Variants in CUL2 observed in about 807,000 individuals in gnomAD.
CUL2 encodes the protein cullin 2.
In CUL2, 22 loss-of-function variants were observed where a neutral mutation model predicts 110.2. The observed-to-expected ratio is 0.20, with a 90% CI of 0.14 to 0.28. CUL2 has a LOEUF of 0.28. CUL2 is among the 10% of genes least tolerant of loss of function. CUL2 has a pLI of 1.00. For missense variants in CUL2, 631 were observed against 905.5 expected (o/e 0.70, Z 3.89); for synonymous variants, 279 against 293.2 (o/e 0.95, Z 0.49).
intron 1 of CUL2, among the ~76,000 whole-genome samples, chr10:35,082,192 G>C: frequency 6.6e-6 from 1 of 151,848 alleles, no homozygotes; most frequent in Non-Finnish European, 1.5e-5. Context: ...ACTCCAGCCT[G>C]GGCAACAGAG....
At chr10:35,070,868 C>T (rs767846172) in intron 2 of CUL2, among the ~76,000 whole-genome samples, 56 of 152,136 alleles carry the variant, frequency 3.7e-4, no homozygotes, top group Non-Finnish European at 6.5e-4. Flanking sequence ...ACGACCTCTT[C>T]TTGAAAGCAA....
At chr10:35,110,322 G>A (rs942130055) in intron 1 of CUL2, among the ~76,000 whole-genome samples, 15 of 152,224 alleles carry the variant, frequency 9.9e-5, no homozygotes, top group Admixed American at 7.9e-4. Context: ...CCAGCATTTC[G>A]GGAGGCCAAG....
At chr10:35,061,314 A>C (rs1047534361) in intron 3 of CUL2, among the ~76,000 whole-genome samples, 4 of 152,060 alleles carry the variant, frequency 2.6e-5, no homozygotes, top group Non-Finnish European at 1.5e-5. Context: ...TCTCTACTAA[A>C]TAAAAAAAAA....
intron 1 of CUL2, among the ~76,000 whole-genome samples, chr10:35,104,184 C>T (rs2087424507): frequency 6.6e-6 from 1 of 152,226 alleles, no homozygotes; most frequent in South Asian, 2.1e-4. Flanking sequence ...TAGTGGCTCA[C>T]ACCTGTAATC....
intron 2 of CUL2, among the ~76,000 whole-genome samples, chr10:35,067,239 G>A (rs2086555791): frequency 6.6e-6 from 1 of 152,072 alleles, no homozygotes; most frequent in African/African-American, 2.4e-5. Context: ...TACGTTGAGG[G>A]AAGGCAATAT....
At chr10:35,101,794 T>C (rs1182280897) in intron 1 of CUL2, among the ~76,000 whole-genome samples, 1 of 152,252 alleles carries the variant, frequency 6.6e-6, no homozygotes, top group Non-Finnish European at 1.5e-5. Flanking sequence ...TTGACATTTG[T>C]AGCAGTACAG....
At chr10:35,098,285 G>A (rs2135101594) in intron 2 of CUL2, among the ~76,000 whole-genome samples, 1 of 152,270 alleles carries the variant, frequency 6.6e-6, no homozygotes, top group East Asian at 1.9e-4. Flanking sequence ...ATTTGAGATA[G>A]ATAACTCACT....
At position 35,071,331 on chromosome 10, in the gene CUL2, T is replaced by G. The variant is rs552887519; in HGVS notation, c.-14A>C. On this transcript the variant is annotated 5_prime_UTR_variant, in exon 2 of 21. Coordinates refer to ENST00000374749, the MANE Select transcript of CUL2 (RefSeq NM_003591.4). ...TTTCAAAGACATTGTGCAAGTGTAG[T>G]GTTGAAATCTGTCAATTAAAAAACA... 5.6e-6 allele frequency: 9 copies of G among 1,605,490 alleles called. No individual in the cohort carries two copies. In the South Asian group the frequency reaches 7.8e-5, roughly 14 times the overall value.
intron 5 of CUL2, among the ~76,000 whole-genome samples, chr10:35,052,199 A>G (rs1017196623): frequency 4.6e-5 from 7 of 152,088 alleles, no homozygotes; most frequent in African/African-American, 1.7e-4. Flanking sequence ...ATTCTGATCC[A>G]TTGGTAATTA....
intron 1 of CUL2, among the ~76,000 whole-genome samples, chr10:35,078,214 C>G (rs940320517): frequency 1.3e-5 from 2 of 152,030 alleles, no homozygotes; most frequent in African/African-American, 4.8e-5. Flanking sequence ...TTAACATAGC[C>G]TGACAAAATG....
chr10:35,068,453 G>C (rs531629643), intron 2 of CUL2, among the ~76,000 whole-genome samples: 1 of 152,052 alleles, frequency 6.6e-6, no homozygotes, highest in African/African-American at 2.4e-5. Flanking sequence ...AAAACAACAG[G>C]CACAAAAATC....
intron 1 of CUL2, among the ~76,000 whole-genome samples, chr10:35,089,611 C>T (rs1207722064): frequency 6.6e-6 from 1 of 152,166 alleles, no homozygotes; most frequent in African/African-American, 2.4e-5. Context: ...TATTTGCATG[C>T]ACGTAATGGT....
intron 1 of CUL2, among the ~76,000 whole-genome samples, chr10:35,125,190 T>C (rs2087734345): frequency 6.6e-6 from 1 of 152,228 alleles, no homozygotes; most frequent in Admixed American, 6.5e-5. Context: ...TTAAGTCTAT[T>C]ACATCTTACA....
At chr10:35,044,122 CAA>C (rs1270667771) in intron 8 of CUL2, among the ~76,000 whole-genome samples, 1 of 149,414 alleles carries the variant, frequency 6.7e-6, no homozygotes, top group African/African-American at 2.5e-5. Flanking sequence ...CTTAACAGAC[CAA>C]AAGAGTGACT....
chr10:35,106,075 A>G (rs1034208615), intron 1 of CUL2, among the ~76,000 whole-genome samples: 5 of 152,240 alleles, frequency 3.3e-5, no homozygotes, highest in African/African-American at 1.2e-4. Flanking sequence ...CTAATCCCCA[A>G]TATGATGGTT....
At chr10:35,058,493 G>GC (rs771293266) in intron 4 of CUL2, among the ~76,000 whole-genome samples, 1 of 152,160 alleles carries the variant, frequency 6.6e-6, no homozygotes, top group Non-Finnish European at 1.5e-5. Context: ...CTCCAGATCT[G>GC]TAGTCTAAAG....
intron 17 of CUL2, among the ~76,000 whole-genome samples, chr10:35,018,733 A>T (rs1050664548): frequency 1.4e-5 from 2 of 141,002 alleles, no homozygotes; most frequent in Admixed American, 1.6e-4. Flanking sequence ...ATTGCACTCC[A>T]GCCTGGGTAA....
At chr10:35,042,352 C>A (rs1401142368) in intron 8 of CUL2, among the ~76,000 whole-genome samples, 1 of 152,116 alleles carries the variant, frequency 6.6e-6, no homozygotes, top group Non-Finnish European at 1.5e-5. Flanking sequence ...TTTTTAAAGA[C>A]TGTGTGGTGT....
chr10:35,039,921 G>C (rs2085737995), intron 8 of CUL2, among the ~76,000 whole-genome samples: 1 of 152,154 alleles, frequency 6.6e-6, no homozygotes, highest in Non-Finnish European at 1.5e-5. Context: ...GGGAGGCCGA[G>C]GTGGGTGGAT....
Sources: gnomAD v4.1 joint callset for allele counts (sites outside exome capture counted in the v4.1 genomes callset) on GRCh38, gnomAD v4.1.1 for gene constraint, MANE v1.5 for transcripts, NCBI Gene and HGNC (gene_info 2026-07-23, HGNC 2026-07-21) for gene names.